AUH: variants seen among roughly 807,000 people sequenced by gnomAD.
AUH encodes methylglutaconyl-CoA hydratase, mitochondrial.
AUH carries 29 observed loss-of-function variants against 42.3 expected under a neutral mutation model. The observed-to-expected ratio is 0.69, with a 90% CI of 0.51 to 0.93. The LOEUF (loss-of-function observed/expected upper bound fraction) is 0.93. AUH is among the 40% of genes least tolerant of loss of function. AUH has a pLI of 0.00. For missense variants in AUH, 452 were observed against 438.1 expected (o/e 1.03, Z -0.28); for synonymous variants, 174 against 166.4 (o/e 1.05, Z -0.35).
At chr9:91,250,841 G>T (rs540618368) in intron 6 of AUH, among the ~76,000 whole-genome samples, 1 of 152,224 alleles carries the variant, frequency 6.6e-6, no homozygotes. Flanking sequence ...GACCAAGTGT[G>T]AGCTCCCTGT....
intron 4 of AUH, among the ~76,000 whole-genome samples, chr9:91,302,405 C>T (rs912652806): frequency 6.6e-6 from 1 of 152,076 alleles, no homozygotes; most frequent in East Asian, 1.9e-4. Context: ...GCCTGACCAA[C>T]ATAGAGAAAC....
At chr9:91,282,731 G>C (rs2131576006) in intron 6 of AUH, among the ~76,000 whole-genome samples, 1 of 152,156 alleles carries the variant, frequency 6.6e-6, no homozygotes, top group Admixed American at 6.5e-5. Flanking sequence ...ATAAATTCCT[G>C]GACACATACA....
chr9:91,310,365 C>T (rs1449130801), intron 4 of AUH, among the ~76,000 whole-genome samples: 2 of 152,186 alleles, frequency 1.3e-5, no homozygotes, highest in African/African-American at 2.4e-5. Context: ...GAAATAATTA[C>T]AGTATGGCTA....
intron 9 of AUH, among the ~76,000 whole-genome samples, chr9:91,215,470 T>C (rs1475750672): frequency 6.6e-6 from 1 of 152,206 alleles, no homozygotes; most frequent in Non-Finnish European, 1.5e-5. Flanking sequence ...TATACTATAT[T>C]GTTCAGGGAA....
At chr9:91,276,485 T>C (rs748409424) in intron 6 of AUH, among the ~76,000 whole-genome samples, 9 of 151,918 alleles carry the variant, frequency 5.9e-5, no homozygotes, top group East Asian at 1.9e-4. Flanking sequence ...ATATGGCCTA[T>C]GTCTATCTAC....
intron 4 of AUH, among the ~76,000 whole-genome samples, chr9:91,316,330 A>T (rs976833229): frequency 8.5e-5 from 13 of 152,158 alleles, no homozygotes; most frequent in Non-Finnish European, 1.6e-4. Flanking sequence ...CAGAGTGTAG[A>T]TATATTTCTT....
chr9:91,331,623 A>G (rs1274278151), intron 3 of AUH, among the ~76,000 whole-genome samples: 2 of 152,242 alleles, frequency 1.3e-5, no homozygotes, highest in Non-Finnish European at 2.9e-5. Flanking sequence ...TGGAATTGAT[A>G]CATTATTTAA....
chr9:91,261,129 C>G (rs866164259), intron 6 of AUH, among the ~76,000 whole-genome samples: 1 of 152,094 alleles, frequency 6.6e-6, no homozygotes, highest in South Asian at 2.1e-4. Context: ...GCTTCTGCTC[C>G]TGGGTCGTAT....
At chr9:91,272,504 G>A (rs1354146714) in intron 6 of AUH, among the ~76,000 whole-genome samples, 1 of 152,170 alleles carries the variant, frequency 6.6e-6, no homozygotes, top group Non-Finnish European at 1.5e-5. Context: ...ATTCGGCCCA[G>A]CAGAAATGGG....
In AUH at chr9:91,325,423, A is replaced by G. The variant is rs1829901692; in HGVS notation, c.419-19T>C. 6.2e-7 allele frequency: 1 copy of G among 1,606,718 alleles called. No homozygotes were observed. Among genetic ancestry groups the G allele is most frequent in the African/African-American group, 1.3e-5 (1 of 74,882 alleles). On this transcript the variant is annotated intron_variant, in intron 3 of 9. Transcript: ENST00000375731. Reference sequence around the variant, plus strand: ...TCAGCACCTGCAAAGTATTTTATTTACAAATATAATCTAGTTGTAAACAAA... The same window carrying G: ...TCAGCACCTGCAAAGTATTTTATTTGCAAATATAATCTAGTTGTAAACAAA...
At chr9:91,245,437 G>A (rs1350767751) in intron 6 of AUH, among the ~76,000 whole-genome samples, 2 of 152,174 alleles carry the variant, frequency 1.3e-5, no homozygotes, top group Non-Finnish European at 2.9e-5. Context: ...AGCCATTTTG[G>A]TTTTTATCTG....
intron 4 of AUH, among the ~76,000 whole-genome samples, chr9:91,315,489 G>T (rs979883584): frequency 1.3e-5 from 2 of 152,132 alleles, no homozygotes; most frequent in African/African-American, 2.4e-5. Context: ...ATTCTGGCCA[G>T]AGGCTGTGCT....
chr9:91,276,158 G>C (rs1485326579), intron 6 of AUH, among the ~76,000 whole-genome samples: 1 of 152,162 alleles, frequency 6.6e-6, no homozygotes, highest in Non-Finnish European at 1.5e-5. Flanking sequence ...GTCGAGCGCG[G>C]TGGCTCATGC....
At chr9:91,314,438 G>A (rs62565789) in intron 4 of AUH, among the ~76,000 whole-genome samples, 7,790 of 147,230 alleles carry the variant, frequency 0.053, 421 homozygotes, top group East Asian at 0.32. Context: ...AGCTGAGATC[G>A]CACCACTGCA....
At chr9:91,351,389 A>T (rs1831969379) in intron 3 of AUH, among the ~76,000 whole-genome samples, 1 of 152,244 alleles carries the variant, frequency 6.6e-6, no homozygotes, top group Non-Finnish European at 1.5e-5. Flanking sequence ...ATCACTTTAT[A>T]AGTATCGTAT....
At chr9:91,344,435 T>C (rs1831332419) in intron 3 of AUH, among the ~76,000 whole-genome samples, 1 of 152,240 alleles carries the variant, frequency 6.6e-6, no homozygotes, top group African/African-American at 2.4e-5. Flanking sequence ...AGCTGTAGAC[T>C]GAACACCTTG....
At chr9:91,225,400 G>A (rs192671478) in intron 6 of AUH, among the ~76,000 whole-genome samples, 1 of 152,282 alleles carries the variant, frequency 6.6e-6, no homozygotes, top group East Asian at 1.9e-4. Flanking sequence ...TTAACTTAGA[G>A]TTAGGGGTAA....
At chr9:91,319,096 C>A (rs1239731139) in intron 4 of AUH, among the ~76,000 whole-genome samples, 1 of 152,056 alleles carries the variant, frequency 6.6e-6, no homozygotes, top group Non-Finnish European at 1.5e-5. Flanking sequence ...ATAATCACAC[C>A]TTTTTTTCAT....
At chr9:91,261,292 G>C (rs917826908) in intron 6 of AUH, among the ~76,000 whole-genome samples, 1 of 152,108 alleles carries the variant, frequency 6.6e-6, no homozygotes, top group Non-Finnish European at 1.5e-5. Context: ...ATCCTTTTGG[G>C]ACTTGTTTCT....
Sources: allele counts gnomAD v4.1 joint callset (sites outside exome capture counted in the v4.1 genomes callset), GRCh38; gene constraint gnomAD v4.1.1; transcripts MANE v1.5; gene names NCBI Gene and HGNC (gene_info 2026-07-23, HGNC 2026-07-21).